Variants in PDE11A observed in about 807,000 individuals in gnomAD.
The protein encoded by PDE11A is dual 3',5'-cyclic-AMP and -GMP phosphodiesterase 11A.
A neutral mutation model predicts 100.5 loss-of-function variants in PDE11A; 100 were observed. That is an observed-to-expected ratio of 1.00 (90% CI 0.85 to 1.18). The LOEUF (loss-of-function observed/expected upper bound fraction) is 1.18. PDE11A is among the 50% of genes most tolerant of loss of function. The pLI, the probability that PDE11A is intolerant of heterozygous loss-of-function variation, is 0.00. For missense variants in PDE11A, 1,141 were observed against 1,152.6 expected (o/e 0.99, Z 0.15); for synonymous variants, 381 against 420.8 (o/e 0.91, Z 1.16).
intron 2 of PDE11A, among the ~76,000 whole-genome samples, chr2:177,944,594 T>C (rs2085381590): frequency 6.6e-6 from 1 of 152,232 alleles, no homozygotes; most frequent in African/African-American, 2.4e-5. Context: ...ATTAGATCTC[T>C]GCATTGCTTG....
chr2:177,842,831 G>A (rs1210991824), intron 5 of PDE11A, among the ~76,000 whole-genome samples: 1 of 151,964 alleles, frequency 6.6e-6, no homozygotes, highest in Non-Finnish European at 1.5e-5. Context: ...TGGGGAGATA[G>A]GGGAAAGATG....
intron 19 of PDE11A, among the ~76,000 whole-genome samples, chr2:177,652,773 T>C (rs1426155568): frequency 6.6e-6 from 1 of 152,224 alleles, no homozygotes. Flanking sequence ...ATTTTGGCCT[T>C]GTTTTACAAC....
chr2:177,905,114 T>C lies in PDE11A; in HGVS notation c.1145A>G (p.Glu382Gly). The change falls in exon 3 of 20, where the codon GAA becomes GGA. Residue 382 changes from glutamate (E) to glycine (G), a missense_variant. Transcript: ENST00000286063. ...TTTACTCACTCTGCTTCTTTCATAT[T>C]CTTTCCTTGAGGCAGCAAAGAGCTG... Reference protein sequence around the residue: ...NAQLFAASRKEYERSRALLEV... With the variant: ...NAQLFAASRKGYERSRALLEV... 1.3e-6 allele frequency: 2 copies of C among 1,593,816 alleles called. No individual in the cohort carries two copies. Among genetic ancestry groups the C allele is most frequent in the Non-Finnish European group, 8.6e-7 (1 of 1,161,504 alleles).
At chr2:177,841,263 G>T (rs570731855) in intron 5 of PDE11A, among the ~76,000 whole-genome samples, 1 of 152,134 alleles carries the variant, frequency 6.6e-6, no homozygotes, top group Non-Finnish European at 1.5e-5. Context: ...ACAAAATTGA[G>T]AACTGTTCAA....
At chr2:178,024,341 G>C (rs2086452226) in intron 1 of PDE11A, among the ~76,000 whole-genome samples, 1 of 152,148 alleles carries the variant, frequency 6.6e-6, no homozygotes, top group African/African-American at 2.4e-5. Flanking sequence ...GGGCCCGGGA[G>C]GCAGAGGTTG....
rs567606958 is a variant in PDE11A at position 177,993,374 on chromosome 2, A to T, written c.1071+20928T>A. ...AAACCTCTTTATTTTTCTTCTTTTT[A>T]AAAAAAAAATGTTTAGCTCTAAAAT... On this transcript the variant is annotated intron_variant, in intron 2 of 19. Coordinates refer to ENST00000286063, the MANE Select transcript of PDE11A (RefSeq NM_016953.4). Among the ~76,000 whole-genome samples, 794 of 127,548 alleles carry T rather than the reference A, an allele frequency of 6.2e-3. 3 individuals carry two copies. Among genetic ancestry groups the T allele is most frequent in the African/African-American group, 0.013 (424 of 33,170 alleles). 83.7% of individuals were successfully genotyped at this position (127,548 alleles called of 152,430 possible).
intron 17 of PDE11A, among the ~76,000 whole-genome samples, chr2:177,672,037 A>G (rs947130701): frequency 1.3e-5 from 2 of 151,858 alleles, no homozygotes; most frequent in African/African-American, 4.8e-5. Context: ...TTCCATCCCT[A>G]TTACAGGAGC....
At chr2:177,897,253 TTGA>T (rs577015623) in intron 4 of PDE11A, among the ~76,000 whole-genome samples, 45 of 152,304 alleles carry the variant, frequency 3.0e-4, no homozygotes, top group African/African-American at 1.1e-3. Flanking sequence ...AGAATTTAGA[TTGA>T]TGATGATTAT....
chr2:177,950,133 A>G (rs1486542970), intron 2 of PDE11A, among the ~76,000 whole-genome samples: 1 of 152,200 alleles, frequency 6.6e-6, no homozygotes, highest in African/African-American at 2.4e-5. Context: ...TCTCCAAATT[A>G]CAAAAGCAAT....
chr2:177,843,432 T>A (rs1288799333), intron 5 of PDE11A, among the ~76,000 whole-genome samples: 1 of 152,194 alleles, frequency 6.6e-6, no homozygotes, highest in Non-Finnish European at 1.5e-5. Context: ...CACTTCACTG[T>A]GAGACTTTAG....
intron 9 of PDE11A, among the ~76,000 whole-genome samples, chr2:177,777,760 G>T (rs537441580): frequency 8.5e-5 from 13 of 152,098 alleles, no homozygotes; most frequent in African/African-American, 2.7e-4. Context: ...TTACTATAAC[G>T]TACATATCAG....
At chr2:177,635,951 G>A (rs2080032460) in intron 19 of PDE11A, among the ~76,000 whole-genome samples, 1 of 151,516 alleles carries the variant, frequency 6.6e-6, no homozygotes, top group Admixed American at 6.6e-5. Flanking sequence ...TTTATATTTG[G>A]CCATTACAAA....
At position 178,013,333 on chromosome 2, in the gene PDE11A, A is replaced by G. The variant is rs556470140; in HGVS notation, c.1071+969T>C. Among the ~76,000 whole-genome samples the G allele has an allele frequency of 5.9e-4, 90 of 152,290 alleles. No homozygotes were observed. The Middle Eastern group carries it at 0.01, about 17-fold the overall frequency. ...GTAAGAAATCTTTTGAGGTCCTATC[A>G]TGCTCTATGAATTCAAAAACCTTTA... On this transcript the variant is annotated intron_variant, in intron 2 of 19. Transcript: ENST00000286063.
intron 10 of PDE11A, among the ~76,000 whole-genome samples, chr2:177,738,807 A>G (rs886276250): frequency 6.6e-6 from 1 of 152,200 alleles, no homozygotes; most frequent in African/African-American, 2.4e-5. Context: ...GTGACTAGGC[A>G]GAAAAAGAAG....
intron 2 of PDE11A, among the ~76,000 whole-genome samples, chr2:178,010,690 C>A (rs1055662315): frequency 6.6e-6 from 1 of 152,050 alleles, no homozygotes; most frequent in African/African-American, 2.4e-5. Flanking sequence ...ACTAAGCAAT[C>A]GAGGCTCTGT....
intron 6 of PDE11A, among the ~76,000 whole-genome samples, chr2:177,839,567 T>A (rs1329947070): frequency 1.3e-5 from 2 of 152,140 alleles, no homozygotes; most frequent in Non-Finnish European, 2.9e-5. Context: ...CCACATTAGA[T>A]CATCTCACTT....
intron 2 of PDE11A, among the ~76,000 whole-genome samples, chr2:177,919,244 C>A (rs186895034): frequency 7.2e-6 from 1 of 138,026 alleles, no homozygotes; most frequent in South Asian, 2.3e-4. Flanking sequence ...ACTATAGGCG[C>A]GCACCACCAT....
chr2:177,721,479 A>T (rs371367776), intron 12 of PDE11A, among the ~76,000 whole-genome samples: 1 of 152,180 alleles, frequency 6.6e-6, no homozygotes, highest in South Asian at 2.1e-4. Context: ...GACTTGAGAA[A>T]GTGGAGGTTT....
intron 13 of PDE11A, 32 bp downstream of exon 13, chr2:177,711,737 G>A (rs762889624): frequency 1.8e-6 from 2 of 1,139,924 alleles, no homozygotes; most frequent in Non-Finnish European, 2.7e-6. Flanking sequence ...AAAGGCAAAT[G>A]CATTAAAATA....
Sources: gnomAD v4.1 joint callset for allele counts (sites outside exome capture counted in the v4.1 genomes callset) on GRCh38, gnomAD v4.1.1 for gene constraint, MANE v1.5 for transcripts, NCBI Gene and HGNC (gene_info 2026-07-23, HGNC 2026-07-21) for gene names.